AASDH: variants seen among roughly 807,000 people sequenced by gnomAD.
AASDH encodes beta-alanine-activating enzyme.
Under a neutral mutation model 102.3 loss-of-function variants are expected in AASDH, and 81 were observed. The ratio of observed to expected loss-of-function variants is 0.79; its 90% CI spans 0.66 to 0.95. The LOEUF (loss-of-function observed/expected upper bound fraction) is 0.95. AASDH is among the 40% of genes least tolerant of loss of function. The probability of loss-of-function intolerance (pLI) is 0.00; values close to 1 mark genes in which losing one functional copy is unlikely to be tolerated. For synonymous variants in AASDH, 398 were observed against 454.0 expected (o/e 0.88, Z 1.57); for missense variants, 1,203 against 1,266.2 (o/e 0.95, Z 0.76).
intron 2 of AASDH, among the ~76,000 whole-genome samples, chr4:56,383,838 T>TA (rs1184511364): frequency 3.9e-5 from 6 of 152,260 alleles, no homozygotes; most frequent in African/African-American, 1.4e-4. Context: ...TGGAGATACT[T>TA]ATACGTTCTA....
At chr4:56,379,518 T>C (rs1332384423) in intron 3 of AASDH, among the ~76,000 whole-genome samples, 2 of 152,022 alleles carry the variant, frequency 1.3e-5, no homozygotes, top group Non-Finnish European at 2.9e-5. Flanking sequence ...ATGACGTTTT[T>C]GGGGAGTGGG....
At chr4:56,355,533 G>T in intron 5 of AASDH, 110 bp from the exon 6 acceptor site, 1 of 1,022,872 alleles carries the variant, frequency 9.8e-7, no homozygotes, top group Non-Finnish European at 1.4e-6. Flanking sequence ...GGAAATGAAG[G>T]CTGTGTTTAT....
At chr4:56,365,211 T>G (rs1251953966) in intron 5 of AASDH, among the ~76,000 whole-genome samples, 3 of 151,772 alleles carry the variant, frequency 2.0e-5, no homozygotes, top group African/African-American at 7.3e-5. Context: ...GCACCCAGAT[T>G]CATAAAGCAA....
In AASDH at chr4:56,349,271, A is replaced by G; in HGVS notation, c.2480T>C (p.Ile827Thr). The change falls in exon 11 of 15, where the codon ATT (isoleucine) becomes ACT (threonine). Residue 827 changes from isoleucine (I) to threonine (T), a missense_variant. Ile to Thr is a moderately conservative substitution (Grantham distance 89, BLOSUM62 -1). Transcript: ENST00000205214. ...SACVSKCGNF[I>T]VVGCYNGLVY... ...CAAATTCAAAAACTTACCCACCACA[A>G]TAAAGTTTCCACACTTAGATACACA... 6.2e-7 allele frequency: 1 copy of G among 1,614,048 alleles called. No homozygotes were observed. The highest frequency in any genetic ancestry group is 8.5e-7 in the Non-Finnish European group (1 of 1,179,990).
Position 56,353,557 on chromosome 4 carries a change from T to C in AASDH, c.1423A>G (p.Thr475Ala). 1.2e-6 allele frequency: 2 copies of C among 1,613,218 alleles called. No individual in the cohort carries two copies. Among genetic ancestry groups the C allele is most frequent in the Non-Finnish European group, 8.5e-7 (1 of 1,179,958 alleles). Residue 475 changes from threonine to alanine, a missense_variant, in exon 9 of 15, where the codon ACA becomes GCA. By Grantham distance (58) the Thr-to-Ala change is moderately conservative. Coordinates refer to ENST00000205214, the MANE Select transcript of AASDH (RefSeq NM_181806.4). The stretch of plus-strand genomic sequence containing the variant: ...ATTAATTTTTCCTGATTATACCATG[T>C]AACTGCACAAGACTCCACTTGCTGA... ...ELQQVESCAV[T>A]WYNQEKLILF...
At chr4:56,380,105 G>A (rs926735649) in intron 3 of AASDH, among the ~76,000 whole-genome samples, 3 of 152,168 alleles carry the variant, frequency 2.0e-5, no homozygotes, top group Non-Finnish European at 2.9e-5. Context: ...ATATGGTCCT[G>A]AACTACTATT....
chr4:56,376,814 T>C (rs1752385044), intron 4 of AASDH, among the ~76,000 whole-genome samples: 1 of 152,138 alleles, frequency 6.6e-6, no homozygotes, highest in Admixed American at 6.6e-5. Flanking sequence ...ACGCCTGTAA[T>C]CCCAGCACTT....
rs577436346 is a variant in AASDH at position 56,382,460 on chromosome 4, G to A, written c.351+17C>T. ...AATGTAATACAGGCAAAAAACAATT[G>A]AAACATCCAGACTTACATTAATTTG... On this transcript the variant is annotated intron_variant, in intron 3 of 14. Transcript: ENST00000205214. 3.9e-6 allele frequency: 6 copies of A among 1,527,076 alleles called. No individual in the cohort carries two copies. The East Asian group carries it at 6.9e-5, about 18-fold the overall frequency. The allele number at this position is 1,527,076 out of a possible 1,614,324, so 94.6% of individuals were successfully genotyped here. A position where few individuals can be genotyped will look rare whatever the true frequency, so the allele number is the denominator to read the frequency against.
intron 12 of AASDH, among the ~76,000 whole-genome samples, chr4:56,344,203 T>C (rs1361705423): frequency 2.0e-5 from 3 of 152,182 alleles, no homozygotes; most frequent in African/African-American, 7.2e-5. Context: ...CCAGGATTTC[T>C]AAAAAACGAA....
chr4:56,383,938 T>C (rs1753258611), intron 2 of AASDH, 132 bp downstream of exon 2: 2 of 607,218 alleles, frequency 3.3e-6, no homozygotes, highest in East Asian at 2.8e-5. Context: ...CAAACTTCTT[T>C]AGTCTCTCTA....
At chr4:56,352,277 T>A (rs10013402) in intron 9 of AASDH, among the ~76,000 whole-genome samples, 26,151 of 152,136 alleles carry the variant, frequency 0.17, 2,629 homozygotes, top group Admixed American at 0.31. Context: ...GTGAGGGTGC[T>A]TCTGGATGAG....
intron 13 of AASDH, 91 bp downstream of exon 13, chr4:56,343,471 T>C: frequency 9.4e-7 from 1 of 1,069,296 alleles, no homozygotes; most frequent in South Asian, 1.9e-5. Flanking sequence ...TACAATTAAC[T>C]GAAAACTACT....
intron 9 of AASDH, 26 bp from the exon 10 acceptor site, chr4:56,351,483 T>A (rs1361923387): frequency 3.1e-6 from 4 of 1,293,832 alleles, no homozygotes; most frequent in Non-Finnish European, 3.3e-6. Flanking sequence ...AAATAACAAA[T>A]GTTTTAAAAC....
chr4:56,381,434 C>T (rs898434726), intron 3 of AASDH, among the ~76,000 whole-genome samples: 3 of 151,800 alleles, frequency 2.0e-5, no homozygotes, highest in South Asian at 4.2e-4. Context: ...AAAAATTAGC[C>T]GGGTGTGGTG....
Position 56,341,181 on chromosome 4 carries a change from T to C in AASDH, c.2907+1654A>G, listed in dbSNP as rs140225075. 1.5e-4 allele frequency among the ~76,000 whole-genome samples: 23 copies of C among 152,204 alleles called. No individual in the cohort carries two copies. In the East Asian group the frequency reaches 4.3e-3, roughly 28 times the overall value. ...TACCCAAAGACAAAAAATCAGTATA[T>C]CAAAGAGACAACCTGCACTCCCATC... On this transcript the variant is annotated intron_variant, in intron 14 of 14. Coordinates refer to ENST00000205214, the MANE Select transcript of AASDH (RefSeq NM_181806.4).
At chr4:56,371,866 T>C (rs1751754521) in intron 4 of AASDH, among the ~76,000 whole-genome samples, 1 of 152,228 alleles carries the variant, frequency 6.6e-6, no homozygotes, top group South Asian at 2.1e-4. Context: ...ACCAGACATA[T>C]TTTATCATCT....
At chr4:56,363,151 C>A (rs184364478) in intron 5 of AASDH, among the ~76,000 whole-genome samples, 2 of 152,228 alleles carry the variant, frequency 1.3e-5, no homozygotes, top group African/African-American at 2.4e-5. Context: ...GAGATCAAAC[C>A]GCAAGGCGGC....
In AASDH at chr4:56,353,560, C is replaced by G; in HGVS notation, c.1420G>C (p.Val474Leu). Reference sequence around the variant, plus strand: ...AATTTTTCCTGATTATACCATGTAACTGCACAAGACTCCACTTGCTGAAGC... The same window carrying G: ...AATTTTTCCTGATTATACCATGTAAGTGCACAAGACTCCACTTGCTGAAGC... ...EELQQVESCA[V>L]TWYNQEKLIL... The change falls in exon 9 of 15, where the codon GTT (valine) becomes CTT (leucine). Residue 474 changes from valine (V) to leucine (L), a missense_variant. Transcript: ENST00000205214. The G allele has an allele frequency of 6.2e-7, 1 of 1,612,752 alleles. No individual in the cohort carries two copies. The highest frequency in any genetic ancestry group is 8.5e-7 in the Non-Finnish European group (1 of 1,179,874).
At chr4:56,367,386 C>A (rs1411723611) in intron 5 of AASDH, among the ~76,000 whole-genome samples, 1 of 133,744 alleles carries the variant, frequency 7.5e-6, no homozygotes, top group Non-Finnish European at 1.6e-5. Flanking sequence ...TCATATGGAA[C>A]CAAAAAAGAG....
Sources: gnomAD v4.1 joint callset for allele counts (sites outside exome capture counted in the v4.1 genomes callset) on GRCh38, gnomAD v4.1.1 for gene constraint, MANE v1.5 for transcripts, NCBI Gene and HGNC (gene_info 2026-07-23, HGNC 2026-07-21) for gene names.